MAGI1: variants seen among roughly 807,000 people sequenced by gnomAD.
The protein encoded by MAGI1 is membrane associated guanylate kinase, WW and PDZ domain containing 1.
MAGI1 carries 58 observed loss-of-function variants against 139.9 expected under a neutral mutation model. The ratio of observed to expected loss-of-function variants is 0.41; its 90% CI spans 0.34 to 0.52. MAGI1 has a LOEUF of 0.52. MAGI1 is among the 20% of genes least tolerant of loss of function. The probability of loss-of-function intolerance (pLI) is 0.12; values close to 1 mark genes in which losing one functional copy is unlikely to be tolerated. For synonymous variants in MAGI1, 812 were observed against 737.9 expected (o/e 1.10, Z -1.63); for missense variants, 1,874 against 1,901.6 (o/e 0.99, Z 0.27).
intron 1 of MAGI1, among the ~76,000 whole-genome samples, chr3:65,936,338 C>A (rs2063047773): frequency 6.6e-6 from 1 of 152,088 alleles, no homozygotes. Context: ...AACTGCAAAT[C>A]AAAAATTCCT....
chr3:65,710,021 A>C (rs1380443347), intron 1 of MAGI1, among the ~76,000 whole-genome samples: 1 of 152,208 alleles, frequency 6.6e-6, no homozygotes, highest in Non-Finnish European at 1.5e-5. Flanking sequence ...GAAATGTGCC[A>C]CATAAAGCCC....
chr3:65,516,287 C>T (rs1411758701), intron 2 of MAGI1, among the ~76,000 whole-genome samples: 3 of 152,216 alleles, frequency 2.0e-5, no homozygotes, highest in South Asian at 4.2e-4. Flanking sequence ...TCAAGCGATT[C>T]CCCTGCCTCA....
At chr3:65,728,298 C>G (rs1283597206) in intron 1 of MAGI1, among the ~76,000 whole-genome samples, 1 of 151,984 alleles carries the variant, frequency 6.6e-6, no homozygotes, top group Non-Finnish European at 1.5e-5. Flanking sequence ...GCTGGAGCAC[C>G]CTGTGAGGCG....
At chr3:65,437,887 A>C (rs1014770001) in intron 9 of MAGI1, among the ~76,000 whole-genome samples, 2 of 152,172 alleles carry the variant, frequency 1.3e-5, no homozygotes, top group Admixed American at 6.5e-5. Context: ...CTCAGGAAAG[A>C]TACATTAAAA....
At chr3:65,872,998 C>T (rs777569002) in intron 1 of MAGI1, 1 of 152,104 alleles carries the variant, frequency 6.6e-6, no homozygotes, top group Non-Finnish European at 1.5e-5. Flanking sequence ...CACAGTAATA[C>T]CTCAATTAAA....
chr3:65,662,946 A>C (rs2107401587), intron 1 of MAGI1, among the ~76,000 whole-genome samples: 1 of 152,230 alleles, frequency 6.6e-6, no homozygotes, highest in East Asian at 1.9e-4. Context: ...CACTTCCTGA[A>C]GTTCCACCTT....
In MAGI1 at chr3:65,478,887, TA is replaced by T. The variant is rs968346895; in HGVS notation, c.551-90del. The T allele has an allele frequency of 3.4e-3, 2,695 of 795,048 alleles. 1 individual carries two copies. Among genetic ancestry groups the T allele is most frequent in the Admixed American group, 4.1e-3 (162 of 39,224 alleles). The allele number at this position is 795,048 out of a possible 1,614,324, so 49.2% of individuals were successfully genotyped here. ...TTCACATCCAAATCTCTAGGCACAT[TA>T]AAAAAAAAATTAAACTAGAAAACCA... On this transcript the variant is annotated intron_variant, in intron 3 of 22. Coordinates refer to ENST00000402939, the MANE Select transcript of MAGI1 (RefSeq NM_001033057.2).
chr3:65,374,386 C>T (rs1044754635), intron 18 of MAGI1, among the ~76,000 whole-genome samples: 2 of 134,254 alleles, frequency 1.5e-5, no homozygotes, highest in Non-Finnish European at 3.0e-5. Context: ...GGCGCAATCT[C>T]GGCTCACTGC....
chr3:65,969,828 T>C (rs2064939577), intron 1 of MAGI1, among the ~76,000 whole-genome samples: 1 of 152,236 alleles, frequency 6.6e-6, no homozygotes, highest in South Asian at 2.1e-4. Context: ...ATTTTTTATT[T>C]GACTTTCATT....
chr3:65,753,519 C>T (rs1046741121), intron 1 of MAGI1, among the ~76,000 whole-genome samples: 3 of 151,852 alleles, frequency 2.0e-5, no homozygotes, highest in Non-Finnish European at 2.9e-5. Context: ...TTCAGGAGTT[C>T]GAGACCAGCC....
At chr3:65,912,960 T>C (rs2061732092) in intron 1 of MAGI1, among the ~76,000 whole-genome samples, 1 of 152,190 alleles carries the variant, frequency 6.6e-6, no homozygotes, top group African/African-American at 2.4e-5. Context: ...TTATCTAGTT[T>C]GATCTCTTTA....
chr3:65,747,710 T>G (rs528394657), intron 1 of MAGI1, among the ~76,000 whole-genome samples: 1 of 152,230 alleles, frequency 6.6e-6, no homozygotes, highest in African/African-American at 2.4e-5. Context: ...TGCAAGATGT[T>G]AAGAAGAGAA....
At chr3:65,829,257 G>C (rs1205585950) in intron 1 of MAGI1, among the ~76,000 whole-genome samples, 1 of 152,116 alleles carries the variant, frequency 6.6e-6, no homozygotes. Flanking sequence ...CACCTTCTTA[G>C]CCTCTTGGTC....
At position 65,752,833 on chromosome 3, in the gene MAGI1, C is replaced by A. The variant is rs542955791; in HGVS notation, c.314-130745G>T. Among the ~76,000 whole-genome samples, 3 of 152,304 alleles carry A rather than the reference C, an allele frequency of 2.0e-5. No homozygotes were observed. The East Asian group carries it at 5.8e-4, about 29-fold the overall frequency. On this transcript the variant is annotated intron_variant, in intron 1 of 22. Coordinates refer to ENST00000402939, the MANE Select transcript of MAGI1 (RefSeq NM_001033057.2). ...ATCTTGGCCTGCTTTCAGCAAGAATCCTGTTAGGTCAGTGCAGCCAAAATC... is the reference window on the plus strand; with the variant it reads ...ATCTTGGCCTGCTTTCAGCAAGAATACTGTTAGGTCAGTGCAGCCAAAATC...
rs140477334 is a variant in MAGI1, at chr3:65,627,055, C to T, written c.314-4967G>A. On this transcript the variant is annotated intron_variant, in intron 1 of 22. Transcript: ENST00000402939. ...AGTCATACACTGTATAGCAAAGTTC[C>T]GGTCAAAGCCATACTTACCATGGGT... 3.5e-3 allele frequency among the ~76,000 whole-genome samples: 531 copies of T among 152,280 alleles called. 3 individuals are homozygous for T. The highest frequency in any genetic ancestry group is 0.012 in the African/African-American group (501 of 41,558).
intron 10 of MAGI1, among the ~76,000 whole-genome samples, chr3:65,434,851 C>T (rs1353123855): frequency 6.6e-6 from 1 of 152,156 alleles, no homozygotes; most frequent in Non-Finnish European, 1.5e-5. Flanking sequence ...ATAAACGAGT[C>T]AATCTCAAGG....
intron 2 of MAGI1, among the ~76,000 whole-genome samples, chr3:65,579,209 A>T (rs2081310880): frequency 6.6e-6 from 1 of 152,106 alleles, no homozygotes; most frequent in Non-Finnish European, 1.5e-5. Flanking sequence ...TTTCCAGATA[A>T]GGTAACAGAG....
chr3:65,931,035 GCTT>G (rs988183406), intron 1 of MAGI1, among the ~76,000 whole-genome samples: 4 of 149,680 alleles, frequency 2.7e-5, no homozygotes, highest in African/African-American at 4.9e-5. Flanking sequence ...TCCATTGCTT[GCTT>G]CTTTTTTTTT....
intron 2 of MAGI1, among the ~76,000 whole-genome samples, chr3:65,616,185 C>G (rs956448412): frequency 1.4e-5 from 2 of 145,440 alleles, no homozygotes; most frequent in African/African-American, 5.3e-5. Flanking sequence ...ACTAGCAAAC[C>G]GATGCATAGC....
Sources: allele counts gnomAD v4.1 joint callset (sites outside exome capture counted in the v4.1 genomes callset), GRCh38; gene constraint gnomAD v4.1.1; transcripts MANE v1.5; gene names NCBI Gene and HGNC (gene_info 2026-07-23, HGNC 2026-07-21).